Variants in MTRES1 observed in about 807,000 individuals in gnomAD.
MTRES1 encodes the protein uncharacterized protein C6orf203.
A neutral mutation model predicts 17.4 loss-of-function variants in MTRES1; 11 were observed. The observed-to-expected ratio is 0.63, with a 90% CI of 0.40 to 1.05. MTRES1 has a LOEUF of 1.05. MTRES1 is among the 50% of genes least tolerant of loss of function. The pLI is 0.00. For synonymous variants in MTRES1, 94 were observed against 99.6 expected, an observed-to-expected ratio of 0.94 and a Z score of 0.34; for missense variants, 268 against 276.2, an observed-to-expected ratio of 0.97 and a Z score of 0.21.
intron 2 of MTRES1, 135 bp downstream of exon 2, chr6:107,040,365 T>C (rs1774161173): frequency 1.5e-6 from 1 of 667,062 alleles, no homozygotes; most frequent in South Asian, 2.9e-5. Flanking sequence ...CCTGTTTCAA[T>C]TATTTCATTT....
In MTRES1 at chr6:107,040,225, G is replaced by T; in HGVS notation, c.465G>T (p.Gly155=). 6.3e-7 allele frequency: 1 copy of T among 1,585,204 alleles called. No homozygotes were observed. Among genetic ancestry groups the T allele is most frequent in the East Asian group, 2.2e-5 (1 of 44,658 alleles). Residue 155 remains glycine (G), a synonymous_variant, in exon 2 of 4, where the codon GGG becomes GGT. Transcript: ENST00000311381. The part of the protein sequence containing the change: ...DVVLKTGLDI[G]RNKVEDAFYK... ...TCCTGAAGACGGGGCTAGATATTGG[G>T]AGAAAGTGAGTATGATACGCATTTC...
chr6:107,037,926 C>T (rs1554227108), intron 1 of MTRES1, among the ~76,000 whole-genome samples: 1 of 152,090 alleles, frequency 6.6e-6, no homozygotes, highest in African/African-American at 2.4e-5. Flanking sequence ...ATCATGTTGG[C>T]CAGGCTGGTC....
intron 2 of MTRES1, among the ~76,000 whole-genome samples, chr6:107,041,781 G>T (rs782140836): frequency 4.5e-4 from 69 of 151,816 alleles, no homozygotes; most frequent in Admixed American, 9.2e-4. Context: ...ACCCACCTCC[G>T]CTCCCAAAGT....
intron 1 of MTRES1, chr6:107,028,762 C>CTT (rs144920055): frequency 1.5e-4 from 62 of 424,054 alleles, no homozygotes; most frequent in Non-Finnish European, 1.8e-4. Flanking sequence ...GTCAGCGCTG[C>CTT]TTTTTTTACA....
intron 3 of MTRES1, among the ~76,000 whole-genome samples, chr6:107,044,849 G>A (rs1426093883): frequency 6.6e-6 from 1 of 152,152 alleles, no homozygotes; most frequent in Admixed American, 6.6e-5. Context: ...GTGAAAGTCA[G>A]TTACAAGAAA....
intron 3 of MTRES1, among the ~76,000 whole-genome samples, chr6:107,046,037 C>T (rs542371731): frequency 6.6e-6 from 1 of 152,258 alleles, no homozygotes; most frequent in Admixed American, 6.5e-5. Context: ...AGGGAAAACT[C>T]CCCCAAGCTG....
At chr6:107,049,080 G>A (rs573769805) in intron 3 of MTRES1, among the ~76,000 whole-genome samples, 3 of 152,310 alleles carry the variant, frequency 2.0e-5, no homozygotes, top group African/African-American at 7.2e-5. Context: ...TGTTGGGCCT[G>A]CAGAGGTCTT....
intron 1 of MTRES1, among the ~76,000 whole-genome samples, chr6:107,037,322 A>G (rs1582600090): frequency 6.6e-6 from 1 of 152,228 alleles, no homozygotes; most frequent in East Asian, 1.9e-4. Flanking sequence ...TGCCCGCCTC[A>G]GCCTCCCAAA....
chr6:107,039,723 T>G (rs781956708), intron 1 of MTRES1, 26 bp from the exon 2 acceptor site: 4 of 1,565,320 alleles, frequency 2.6e-6, no homozygotes, highest in Non-Finnish European at 2.6e-6. Flanking sequence ...ACTTGTGAGA[T>G]AAAACTGATT....
chr6:107,032,389 G>T (rs1050854779), intron 1 of MTRES1, among the ~76,000 whole-genome samples: 2 of 152,146 alleles, frequency 1.3e-5, no homozygotes, highest in Non-Finnish European at 2.9e-5. Flanking sequence ...TCCAGGGGAG[G>T]TTGAACCCTG....
chr6:107,049,969 C>T (rs782541400), intron 3 of MTRES1, among the ~76,000 whole-genome samples: 2 of 152,188 alleles, frequency 1.3e-5, no homozygotes, highest in Non-Finnish European at 2.9e-5. Flanking sequence ...GGTCCACCCA[C>T]CTTGGCCTCC....
At chr6:107,031,982 GAA>G (rs1554226499) in intron 1 of MTRES1, among the ~76,000 whole-genome samples, 2 of 152,144 alleles carry the variant, frequency 1.3e-5, no homozygotes, top group African/African-American at 4.8e-5. Context: ...ACCAAGTGAA[GAA>G]GAGAGGCGTG....
intron 1 of MTRES1, among the ~76,000 whole-genome samples, chr6:107,036,849 CAAA>C (rs67649016): frequency 2.6e-4 from 34 of 132,516 alleles, no homozygotes; most frequent in Non-Finnish European, 2.6e-4. Context: ...GACTCCGTCT[CAAA>C]AAAAAAAAAA....
chr6:107,031,693 C>T (rs926240854), intron 1 of MTRES1, among the ~76,000 whole-genome samples: 3 of 151,998 alleles, frequency 2.0e-5, no homozygotes, highest in Non-Finnish European at 2.9e-5. Flanking sequence ...CTCTGCCTCC[C>T]GGGTTCAAGC....
intron 1 of MTRES1, among the ~76,000 whole-genome samples, chr6:107,037,669 G>A (rs1562278552): frequency 6.6e-6 from 1 of 152,170 alleles, no homozygotes; most frequent in Non-Finnish European, 1.5e-5. Context: ...AGGTACTTCA[G>A]GTAGTTTCTA....
intron 1 of MTRES1, among the ~76,000 whole-genome samples, chr6:107,031,768 T>C (rs1327417517): frequency 6.6e-6 from 1 of 152,088 alleles, no homozygotes; most frequent in Admixed American, 6.6e-5. Flanking sequence ...ATTCAGCTAA[T>C]TTTTGTATTA....
At chr6:107,030,269 G>C (rs550095133) in intron 1 of MTRES1, among the ~76,000 whole-genome samples, 1 of 152,176 alleles carries the variant, frequency 6.6e-6, no homozygotes, top group African/African-American at 2.4e-5. Flanking sequence ...TGAGTGCTTT[G>C]GTAGGGATTT....
At position 107,037,058 on chromosome 6, in the gene MTRES1, C is replaced by T. The variant is rs569518421; in HGVS notation, c.-12-2691C>T. On this transcript the variant is annotated intron_variant, in intron 1 of 3. Transcript: ENST00000311381. The stretch of plus-strand genomic sequence containing the variant: ...GCTTCCCAAAGTGCTGGGATACAGG[C>T]GTGAGCCACTGCGCCTAGCCTAGTT... 2.6e-5 allele frequency among the ~76,000 whole-genome samples: 4 copies of T among 151,972 alleles called. No individual in the cohort carries two copies. The East Asian group carries it at 7.8e-4, about 29-fold the overall frequency.
At chr6:107,047,865 A>G (rs1774443621) in intron 3 of MTRES1, among the ~76,000 whole-genome samples, 1 of 151,988 alleles carries the variant, frequency 6.6e-6, no homozygotes, top group Admixed American at 6.6e-5. Flanking sequence ...CAGCCTGGGC[A>G]GCAGAGCGAG....
Sources: allele counts gnomAD v4.1 joint callset (sites outside exome capture counted in the v4.1 genomes callset), GRCh38; gene constraint gnomAD v4.1.1; transcripts MANE v1.5; gene names NCBI Gene and HGNC (gene_info 2026-07-23, HGNC 2026-07-21).